Variants in AP2A2 observed in about 807,000 individuals in gnomAD.
AP2A2 encodes adaptor related protein complex 2 subunit alpha 2, also known as AP-2 complex subunit alpha-2.
A neutral mutation model predicts 104.2 loss-of-function variants in AP2A2; 32 were observed. That is an observed-to-expected ratio of 0.31 (90% CI 0.23 to 0.41). AP2A2 has a LOEUF of 0.41. AP2A2 is among the 10% of genes least tolerant of loss of function. The pLI, the probability that AP2A2 is intolerant of heterozygous loss-of-function variation, is 1.00. For synonymous variants in AP2A2, 539 were observed against 533.3 expected (o/e 1.01, Z -0.15); for missense variants, 912 against 1,261.0 (o/e 0.72, Z 4.19).
intron 2 of AP2A2, among the ~76,000 whole-genome samples, chr11:965,944 C>G (rs7394958): frequency 0.51 from 76,978 of 152,050 alleles, 20,124 homozygotes; most frequent in Middle Eastern, 0.66. Flanking sequence ...GGGCTCAGGT[C>G]ATCCTCCTGC....
At chr11:935,212 T>C (rs1232115116) in intron 1 of AP2A2, among the ~76,000 whole-genome samples, 2 of 152,196 alleles carry the variant, frequency 1.3e-5, no homozygotes, top group East Asian at 3.9e-4. Context: ...CGCACCACCA[T>C]GCCCGGCTAA....
chr11:978,043 G>A (rs1855109724), intron 5 of AP2A2, among the ~76,000 whole-genome samples: 1 of 152,204 alleles, frequency 6.6e-6, no homozygotes, highest in Non-Finnish European at 1.5e-5. Context: ...CAGTCAAGGA[G>A]GCCGAAGCTG....
intron 8 of AP2A2, 36 bp downstream of exon 8, chr11:985,618 G>GCA (rs760144008): frequency 4.7e-5 from 76 of 1,608,330 alleles, no homozygotes; most frequent in Admixed American, 4.4e-4. Context: ...TTCGTCTCGC[G>GCA]CACACACACA....
chr11:936,026 C>T (rs1259354302), intron 1 of AP2A2, among the ~76,000 whole-genome samples: 6 of 150,790 alleles, frequency 4.0e-5, no homozygotes, highest in Non-Finnish European at 5.9e-5. Context: ...CTCAGCCTCC[C>T]GAGTAGCTGG....
At chr11:929,447 A>C (rs1853218436) in intron 1 of AP2A2, among the ~76,000 whole-genome samples, 2 of 152,178 alleles carry the variant, frequency 1.3e-5, no homozygotes, top group Admixed American at 1.3e-4. Flanking sequence ...AAATATCATT[A>C]AAGCTGCGTG....
At chr11:985,380 G>A (rs1337977452) in intron 7 of AP2A2, 55 bp from the exon 8 acceptor site, 11 of 1,577,988 alleles carry the variant, frequency 7.0e-6, no homozygotes, top group Non-Finnish European at 9.5e-6. Flanking sequence ...GGGAGGGGCA[G>A]GGTGGGCTGC....
At chr11:983,765 C>T (rs908615869) in intron 6 of AP2A2, among the ~76,000 whole-genome samples, 2 of 152,202 alleles carry the variant, frequency 1.3e-5, no homozygotes, top group African/African-American at 4.8e-5. Flanking sequence ...TAAGGCTGTA[C>T]ATTTCTCTCT....
chr11:973,308 C>CT (rs1854898134), intron 4 of AP2A2, among the ~76,000 whole-genome samples: 1 of 152,196 alleles, frequency 6.6e-6, no homozygotes, highest in African/African-American at 2.4e-5. Flanking sequence ...GACCAGGGTG[C>CT]TGCACCCCAC....
Position 993,687 on chromosome 11 carries a change from C to A in AP2A2, c.1551-67C>A. On this transcript the variant is annotated intron_variant, in intron 12 of 21. Coordinates refer to ENST00000448903, the MANE Select transcript of AP2A2 (RefSeq NM_012305.4). The surrounding 1 kb of genome is among the most constrained non-coding windows in gnomAD (Gnocchi z 8.2). ...AGGGGGTCTCGCCGCCGTCCCCCCC[C>A]CGCGGGGGCGTGCTGCAGCCTGCGA... is the stretch of plus-strand genomic sequence containing the variant. The A allele has an allele frequency of 7.8e-7, 1 of 1,288,738 alleles. No homozygotes were observed. The highest frequency in any genetic ancestry group is 1.4e-5 in the South Asian group (1 of 72,516). The allele number at this position is 1,288,738 out of a possible 1,614,324, so 79.8% of individuals were successfully genotyped here.
intron 9 of AP2A2, 65 bp downstream of exon 9, chr11:987,018 G>A: frequency 6.6e-7 from 1 of 1,517,928 alleles, no homozygotes; most frequent in Non-Finnish European, 8.9e-7. Flanking sequence ...TCCTGTGAAG[G>A]CTGGGGGTAC....
rs149204242 is a variant in AP2A2, at chr11:958,288, C to T, written c.68-1149C>T. Reference sequence around the variant, plus strand: ...GAAACCACCCTGCTGGTGTGTTGCTCACAGGCTTCCAGCCTGCAGGCCTGT... The same window carrying T: ...GAAACCACCCTGCTGGTGTGTTGCTTACAGGCTTCCAGCCTGCAGGCCTGT... On this transcript the variant is annotated intron_variant, in intron 1 of 21. Transcript: ENST00000448903. 3.2e-3 allele frequency among the ~76,000 whole-genome samples: 484 copies of T among 152,314 alleles called. 4 individuals carry two copies. The highest frequency in any genetic ancestry group is 6.8e-3 in the Middle Eastern group (2 of 294).
At chr11:956,503 C>T (rs1854239004) in intron 1 of AP2A2, among the ~76,000 whole-genome samples, 1 of 152,124 alleles carries the variant, frequency 6.6e-6, no homozygotes, top group African/African-American at 2.4e-5. Flanking sequence ...GTTGTTTTTG[C>T]ACACAACTCA....
Position 993,754 on chromosome 11 carries a change from C to T in AP2A2, c.1551C>T (p.Ser517=). ...CTGTGTTGTGCCTCCCCGTCCCCAGCCCGCTGATCCAGTTCCACCTGCTGC... is the reference window on the plus strand; with the variant it reads ...CTGTGTTGTGCCTCCCCGTCCCCAGTCCGCTGATCCAGTTCCACCTGCTGC... ...GNLIAGDPRS[S]PLIQFHLLHS... is the part of the protein sequence containing the mutation. The change falls in exon 13 of 22, where the codon AGC becomes AGT. Residue 517 remains serine, a splice_region_variant and synonymous_variant. Coordinates refer to ENST00000448903, the MANE Select transcript of AP2A2 (RefSeq NM_012305.4). This position sits in a 1 kb window ranked among gnomAD's most constrained non-coding sequence, Gnocchi z 8.2. 1.3e-6 allele frequency: 2 copies of T among 1,586,692 alleles called. No homozygotes were observed. The highest frequency in any genetic ancestry group is 1.7e-6 in the Non-Finnish European group (2 of 1,169,618).
intron 2 of AP2A2, among the ~76,000 whole-genome samples, chr11:966,926 T>C (rs1212961014): frequency 6.6e-6 from 1 of 152,082 alleles, no homozygotes; most frequent in Non-Finnish European, 1.5e-5. Flanking sequence ...CCCAGCACTT[T>C]AGGAGGCCGA....
chr11:932,675 G>A (rs904568167), intron 1 of AP2A2: 3 of 456,052 alleles, frequency 6.6e-6, no homozygotes, highest in African/African-American at 6.0e-5. Flanking sequence ...GAGAAGGAAG[G>A]AAGTCCTTGC....
intron 5 of AP2A2, among the ~76,000 whole-genome samples, chr11:978,875 A>C (rs533829384): frequency 6.6e-6 from 1 of 152,286 alleles, no homozygotes; most frequent in South Asian, 2.1e-4. Flanking sequence ...GTCGGCGGTC[A>C]GGCCTGCGCC....
chr11:1,003,980 C>G (rs889576763), intron 16 of AP2A2, among the ~76,000 whole-genome samples, 176 bp downstream of exon 16: 14 of 150,508 alleles, frequency 9.3e-5, no homozygotes, highest in African/African-American at 3.4e-4. Flanking sequence ...CCTGGGCAAA[C>G]ACATCAAGAC....
chr11:958,777 A>T (rs956116775), intron 1 of AP2A2, among the ~76,000 whole-genome samples: 2 of 152,158 alleles, frequency 1.3e-5, no homozygotes, highest in African/African-American at 4.8e-5. Flanking sequence ...CAAAGGTTCC[A>T]TCTTCAGATA....
intron 1 of AP2A2, among the ~76,000 whole-genome samples, chr11:935,470 T>C (rs1172331339): frequency 6.6e-6 from 1 of 151,806 alleles, no homozygotes; most frequent in Non-Finnish European, 1.5e-5. Context: ...GCCTGGGCGG[T>C]TTTGAATTTT....
Sources: allele counts gnomAD v4.1 joint callset (sites outside exome capture counted in the v4.1 genomes callset), GRCh38; gene constraint gnomAD v4.1.1; non-coding constraint Gnocchi (gnomAD v3.1); transcripts MANE v1.5; gene names NCBI Gene and HGNC (gene_info 2026-07-23, HGNC 2026-07-21).